The following TMPRSS15 variants were observed in gnomAD, a reference collection of about 807,000 sequenced individuals.
TMPRSS15 encodes the protein enteropeptidase.
TMPRSS15 carries 128 observed loss-of-function variants against 125.3 expected under a neutral mutation model. The observed-to-expected ratio is 1.02, with a 90% CI of 0.89 to 1.18. The LOEUF (loss-of-function observed/expected upper bound fraction) is 1.18. Ranked by LOEUF, TMPRSS15 falls within the 50% of genes most tolerant of loss-of-function variation. The pLI is 0.00. For synonymous variants in TMPRSS15, 446 were observed against 423.2 expected (o/e 1.05, Z -0.66); for missense variants, 1,283 against 1,212.7 (o/e 1.06, Z -0.86).
intron 18 of TMPRSS15, among the ~76,000 whole-genome samples, chr21:18,304,673 T>C (rs2075010853): frequency 6.6e-6 from 1 of 152,238 alleles, no homozygotes; most frequent in South Asian, 2.1e-4. Flanking sequence ...AGTTGCTAGA[T>C]ACATATAAAA....
intron 7 of TMPRSS15, among the ~76,000 whole-genome samples, chr21:18,362,409 C>T (rs2147026786): frequency 6.6e-6 from 1 of 152,150 alleles, no homozygotes; most frequent in East Asian, 1.9e-4. Flanking sequence ...CATGAGGAGC[C>T]CCCTAGGACG....
chr21:18,344,287 C>T (rs2075482619), intron 10 of TMPRSS15, among the ~76,000 whole-genome samples: 1 of 152,064 alleles, frequency 6.6e-6, no homozygotes, highest in South Asian at 2.1e-4. Context: ...CTTTATTAAA[C>T]AAGAGTCTTG....
chr21:18,397,324 G>C (rs1051803486), intron 3 of TMPRSS15, among the ~76,000 whole-genome samples: 3 of 152,064 alleles, frequency 2.0e-5, no homozygotes, highest in African/African-American at 7.2e-5. Flanking sequence ...TTAGAAAATA[G>C]ATCTTACAAT....
intron 5 of TMPRSS15, 29 bp from the exon 6 acceptor site, chr21:18,372,353 A>G: frequency 6.2e-7 from 1 of 1,606,526 alleles, no homozygotes; most frequent in Non-Finnish European, 8.5e-7. Context: ...ATTAATTTCC[A>G]ATTGATGAGA....
intron 1 of TMPRSS15, among the ~76,000 whole-genome samples, chr21:18,398,775 T>C (rs2076066519): frequency 6.6e-6 from 1 of 152,128 alleles, no homozygotes; most frequent in Non-Finnish European, 1.5e-5. Flanking sequence ...CCACTGGGTT[T>C]TGACATATGA....
At chr21:18,360,062 G>C (rs1043092319) in intron 7 of TMPRSS15, among the ~76,000 whole-genome samples, 199 bp from the exon 8 acceptor site, 1 of 151,952 alleles carries the variant, frequency 6.6e-6, no homozygotes, top group Non-Finnish European at 1.5e-5. Flanking sequence ...ACTCTTTCAG[G>C]ACTGAAACTC....
At chr21:18,368,365 A>G (rs1483261514) in intron 6 of TMPRSS15, among the ~76,000 whole-genome samples, 1 of 152,210 alleles carries the variant, frequency 6.6e-6, no homozygotes, top group Admixed American at 6.5e-5. Context: ...CACTTCCCCA[A>G]ATCCCTTGGA....
At chr21:18,412,901 T>C (rs2076169635) in intron 1 of TMPRSS15, among the ~76,000 whole-genome samples, 1 of 152,154 alleles carries the variant, frequency 6.6e-6, no homozygotes, top group Non-Finnish European at 1.5e-5. Context: ...TAATAACATG[T>C]TCAGTTAAAT....
chr21:18,370,484 A>T (rs1415765966), intron 6 of TMPRSS15, among the ~76,000 whole-genome samples: 1 of 152,142 alleles, frequency 6.6e-6, no homozygotes, highest in Non-Finnish European at 1.5e-5. Context: ...AATCAGCATC[A>T]CCTTTGTTAC....
chr21:18,349,118 G>A (rs1206568879), intron 10 of TMPRSS15, among the ~76,000 whole-genome samples: 1 of 152,138 alleles, frequency 6.6e-6, no homozygotes, highest in Non-Finnish European at 1.5e-5. Flanking sequence ...ACAAACAATT[G>A]CAATTTCACT....
chr21:18,406,918 T>C (rs1357523140), upstream of TMPRSS15, among the ~76,000 whole-genome samples: 1 of 152,186 alleles, frequency 6.6e-6, no homozygotes, highest in Admixed American at 6.5e-5. Context: ...AAGTGAAGTG[T>C]ATTATGTTTA....
chr21:18,444,212 A>T (rs2076249836), intron 1 of TMPRSS15, among the ~76,000 whole-genome samples: 1 of 152,232 alleles, frequency 6.6e-6, no homozygotes, highest in Admixed American at 6.5e-5. Context: ...TATTCACAAT[A>T]GCAAAGATAC....
intron 21 of TMPRSS15, among the ~76,000 whole-genome samples, chr21:18,282,097 CAAAAAA>C (rs954911028): frequency 5.2e-4 from 13 of 24,962 alleles, no homozygotes; most frequent in East Asian, 1.5e-3. Flanking sequence ...GACTCCGCCT[CAAAAAA>C]AAAAAAAAAA....
chr21:18,380,471 T>G, intron 4 of TMPRSS15: 1 of 443,194 alleles, frequency 2.3e-6, no homozygotes, highest in Non-Finnish European at 4.8e-6. Context: ...GAAAAAAATG[T>G]ATATTTTCCT....
At chr21:18,276,959 T>G (rs987197414) in intron 23 of TMPRSS15, among the ~76,000 whole-genome samples, 1 of 151,556 alleles carries the variant, frequency 6.6e-6, no homozygotes, top group African/African-American at 2.4e-5. Flanking sequence ...AGAGACGGGG[T>G]TTCACCATGT....
chr21:18,445,578 C>G (rs2076253978), intron 1 of TMPRSS15, among the ~76,000 whole-genome samples: 1 of 152,104 alleles, frequency 6.6e-6, no homozygotes, highest in Admixed American at 6.6e-5. Flanking sequence ...TACTAGCAAA[C>G]TGAGGGCAAT....
At position 18,377,945 on chromosome 21, in the gene TMPRSS15, T is replaced by C. The variant is rs546268506; in HGVS notation, c.532+1338A>G. Among the ~76,000 whole-genome samples the C allele has an allele frequency of 2.0e-5, 3 of 152,302 alleles. No individual in the cohort carries two copies. In the East Asian group the frequency reaches 5.8e-4, roughly 29 times the overall value. On this transcript the variant is annotated intron_variant, in intron 5 of 24. Coordinates refer to ENST00000284885, the MANE Select transcript of TMPRSS15 (RefSeq NM_002772.3). ...TTCAGAATAGTAAAGGAGAAAACCT[T>C]CTTTTAAGTCCAGTGCTTTCTGGCT...
intron 12 of TMPRSS15, 82 bp from the exon 13 acceptor site, chr21:18,341,630 T>A (rs1162703132): frequency 1.4e-6 from 2 of 1,425,694 alleles, no homozygotes; most frequent in African/African-American, 2.8e-5. Context: ...GCCCAAGAGA[T>A]TCAATATTGT....
Position 18,462,348 on chromosome 21 carries a change from G to A in TMPRSS15, c.10+23451C>T, listed in dbSNP as rs187469107. 4.1e-3 allele frequency among the ~76,000 whole-genome samples: 621 copies of A among 152,182 alleles called. 7 individuals are homozygous for A. The highest frequency in any genetic ancestry group is 0.014 in the African/African-American group (601 of 41,546). ...AAATCGTTGCTACATACAAGAAAGTGTGATGTAGACTAGTAATTTATGCTT... is the reference window on the plus strand; with the variant it reads ...AAATCGTTGCTACATACAAGAAAGTATGATGTAGACTAGTAATTTATGCTT... On this transcript the variant is annotated intron_variant, in intron 1 of 7. Transcript: ENST00000422787.
Sources: gnomAD v4.1 joint callset for allele counts (sites outside exome capture counted in the v4.1 genomes callset) on GRCh38, gnomAD v4.1.1 for gene constraint, MANE v1.5 for transcripts, NCBI Gene and HGNC (gene_info 2026-07-23, HGNC 2026-07-21) for gene names.